BICRAL: variants seen among roughly 807,000 people sequenced by gnomAD.
BICRAL encodes the protein BRD4-interacting chromatin-remodeling complex-associated protein-like.
Under a neutral mutation model 91.8 loss-of-function variants are expected in BICRAL, and 8 were observed. That is an observed-to-expected ratio of 0.09 (90% CI 0.05 to 0.16). The LOEUF is 0.16. BICRAL is among the 10% of genes least tolerant of loss of function. The pLI, the probability that BICRAL is intolerant of heterozygous loss-of-function variation, is 1.00. For missense variants in BICRAL, 1,038 were observed against 1,310.9 expected (o/e 0.79, Z 3.21); for synonymous variants, 445 against 491.1 (o/e 0.91, Z 1.24).
At chr6:42,800,280 G>A (rs1430729579) in intron 1 of BICRAL, among the ~76,000 whole-genome samples, 3 of 152,016 alleles carry the variant, frequency 2.0e-5, no homozygotes, top group Non-Finnish European at 4.4e-5. Flanking sequence ...GGCCAGGCTG[G>A]TCTCCAACTC....
intron 10 of BICRAL, among the ~76,000 whole-genome samples, chr6:42,859,662 G>A (rs1174547767): frequency 6.6e-6 from 1 of 151,598 alleles, no homozygotes; most frequent in Non-Finnish European, 1.5e-5. Context: ...TTTTTTTTGA[G>A]ACAGAGTCTC....
chr6:42,857,802 ATTTTTTT>A (rs1161596399), intron 10 of BICRAL, among the ~76,000 whole-genome samples: 1 of 73,664 alleles, frequency 1.4e-5, no homozygotes, highest in Non-Finnish European at 2.4e-5. Flanking sequence ...CATACCCTGA[ATTTTTTT>A]TTTTTTTTTT....
intron 2 of BICRAL, 113 bp downstream of exon 2, chr6:42,810,514 A>C (rs1763820339): frequency 6.6e-6 from 1 of 152,246 alleles, no homozygotes; most frequent in Non-Finnish European, 1.5e-5. Flanking sequence ...CAGAACAATT[A>C]CAATATAGTA....
intron 1 of BICRAL, among the ~76,000 whole-genome samples, chr6:42,798,710 A>T (rs1763486881): frequency 6.6e-6 from 1 of 152,204 alleles, no homozygotes; most frequent in South Asian, 2.1e-4. Context: ...TCAGAAAAAA[A>T]ATTGTGTAGT....
chr6:42,748,862 C>G (rs1762332609), intron 1 of BICRAL, among the ~76,000 whole-genome samples: 1 of 152,196 alleles, frequency 6.6e-6, no homozygotes, highest in South Asian at 2.1e-4. Flanking sequence ...CATCCTCTCT[C>G]TGCCATTTGA....
chr6:42,829,200 A>G lies in BICRAL; in HGVS notation c.867A>G (p.Thr289=). 1.2e-6 allele frequency: 2 copies of G among 1,614,206 alleles called. No individual in the cohort carries two copies. Among genetic ancestry groups the G allele is most frequent in the South Asian group, 1.1e-5 (1 of 91,086 alleles). ...TVPFNSTNFQ[T]SLPVHNIIIQ... is the part of the protein sequence containing the mutation. ...CATTTAACAGCACAAATTTTCAAAC[A>G]TCTTTACCTGTGCATAACATCATCA... The change falls in exon 6 of 13, where the codon ACA becomes ACG. Residue 289 remains threonine, a synonymous_variant. Transcript: ENST00000314073.
intron 1 of BICRAL, among the ~76,000 whole-genome samples, chr6:42,760,292 G>A (rs1250048275): frequency 4.0e-5 from 6 of 150,950 alleles, no homozygotes; most frequent in African/African-American, 7.3e-5. Context: ...GCCGAGGCAC[G>A]CGGATCACCT....
At chr6:42,777,909 A>C (rs1582809474), upstream of BICRAL, among the ~76,000 whole-genome samples, 1 of 152,354 alleles carries the variant, frequency 6.6e-6, no homozygotes, top group East Asian at 1.9e-4. Context: ...CATATAGTAA[A>C]GCCATTTTAA....
At chr6:42,747,797 TTTATTTTG>T (rs1762304273) in intron 1 of BICRAL, among the ~76,000 whole-genome samples, 2 of 148,122 alleles carry the variant, frequency 1.4e-5, no homozygotes, top group Non-Finnish European at 3.0e-5. Flanking sequence ...GCTTTTTTGT[TTTATTTTG>T]TTTTTTTTTT....
intron 11 of BICRAL, among the ~76,000 whole-genome samples, chr6:42,860,726 G>A (rs1047144660): frequency 6.6e-6 from 1 of 152,236 alleles, no homozygotes; most frequent in Non-Finnish European, 1.5e-5. Flanking sequence ...ACCCAGAGAT[G>A]TGGGAGAAGG....
intron 1 of BICRAL, among the ~76,000 whole-genome samples, chr6:42,748,320 G>T (rs1369034521): frequency 6.6e-6 from 1 of 152,150 alleles, no homozygotes; most frequent in Non-Finnish European, 1.5e-5. Flanking sequence ...TTTTCAGGTT[G>T]AACCTGTCTC....
At chr6:42,840,748 T>C (rs1270252210) in intron 6 of BICRAL, among the ~76,000 whole-genome samples, 1 of 151,948 alleles carries the variant, frequency 6.6e-6, no homozygotes, top group Non-Finnish European at 1.5e-5. Flanking sequence ...CAAATCTCTT[T>C]GGATCACTAA....
At chr6:42,770,413 T>A (rs1437926775) in intron 1 of BICRAL, among the ~76,000 whole-genome samples, 3 of 77,846 alleles carry the variant, frequency 3.9e-5, no homozygotes, top group Non-Finnish European at 7.5e-5. Flanking sequence ...ATTATTATTA[T>A]TTTTTTTTTT....
chr6:42,780,621 GATGT>G (rs1762883609), upstream of BICRAL, among the ~76,000 whole-genome samples: 1 of 151,970 alleles, frequency 6.6e-6, no homozygotes, highest in Admixed American at 6.6e-5. Flanking sequence ...ACCTATCCTT[GATGT>G]TTATTTAAAA....
chr6:42,808,137 T>TC (rs1158132856), intron 1 of BICRAL, among the ~76,000 whole-genome samples: 5 of 151,912 alleles, frequency 3.3e-5, no homozygotes, highest in Non-Finnish European at 4.4e-5. Flanking sequence ...AATATCTTTT[T>TC]TTTTTTTTTT....
intron 12 of BICRAL, among the ~76,000 whole-genome samples, chr6:42,864,242 A>G (rs1765641976): frequency 6.6e-6 from 1 of 151,980 alleles, no homozygotes; most frequent in South Asian, 2.1e-4. Context: ...CGAGAGGCTG[A>G]GGCAGGAGAA....
chr6:42,803,243 G>C (rs917352260), intron 1 of BICRAL, among the ~76,000 whole-genome samples: 21 of 152,210 alleles, frequency 1.4e-4, no homozygotes, highest in Admixed American at 1.2e-3. Flanking sequence ...TAAATATTAA[G>C]TGGATTATCT....
chr6:42,811,050 T>C (rs1014105119), intron 2 of BICRAL, among the ~76,000 whole-genome samples: 3 of 152,208 alleles, frequency 2.0e-5, no homozygotes, highest in Non-Finnish European at 4.4e-5. Context: ...ACCTTATAAA[T>C]GACTATGGGG....
chr6:42,865,175 T>C lies in BICRAL; in HGVS notation c.2969T>C (p.Ile990Thr), dbSNP rs749978127. The C allele has an allele frequency of 6.2e-7, 1 of 1,614,084 alleles. No individual in the cohort carries two copies. Among genetic ancestry groups the C allele is most frequent in the African/African-American group, 1.3e-5 (1 of 75,012 alleles). Residue 990 changes from isoleucine (I) to threonine (T), a missense_variant, in exon 13 of 13, where the codon ATC becomes ACC. This residue lies in a region of BICRAL where 92 missense variants were observed against 147.8 expected (regional missense o/e 0.62). Coordinates refer to ENST00000314073, the MANE Select transcript of BICRAL (RefSeq NM_001393499.1). Reference protein sequence around the residue: ...SPKNEVLHTDIMKGSGEPQPD... With the variant: ...SPKNEVLHTDTMKGSGEPQPD... ...AAGAATGAAGTTTTACACACAGACA[T>C]CATGAAAGGGTCAGGCGAACCCCAG...
Sources: allele counts gnomAD v4.1 joint callset (sites outside exome capture counted in the v4.1 genomes callset), GRCh38; gene constraint gnomAD v4.1.1; regional missense constraint gnomAD v4.1.1; transcripts MANE v1.5; gene names NCBI Gene and HGNC (gene_info 2026-07-23, HGNC 2026-07-21).